ZNF100: variants seen among roughly 807,000 people sequenced by gnomAD.
ZNF100 encodes the protein zinc finger protein 100, also known as zinc finger protein 100 (Y1).
Under a neutral mutation model 15.8 loss-of-function variants are expected in ZNF100, and 12 were observed. The ratio of observed to expected loss-of-function variants is 0.76; its 90% CI spans 0.49 to 1.23. The LOEUF (loss-of-function observed/expected upper bound fraction) is 1.23. ZNF100 is among the 50% of genes most tolerant of loss of function. ZNF100 has a pLI of 0.00. For missense variants in ZNF100, 670 were observed against 635.6 expected, an observed-to-expected ratio of 1.05 and a Z score of -0.58; for synonymous variants, 226 against 214.8, an observed-to-expected ratio of 1.05 and a Z score of -0.45.
chr19:21,727,572 G>A lies in ZNF100; in HGVS notation c.740C>T (p.Thr247Ile), dbSNP rs778867351. ...DCGKAFNWFS[T>I]LTTHRRIHTG... is the part of the protein sequence containing the mutation. ...ATGAATTCTCCTGTGTGTAGTAAGG[G>A]TTGAGAACCAGTTGAAGGCTTTGCC... The change falls in exon 5 of 5, where the codon ACC becomes ATC. Residue 247 changes from threonine to isoleucine, a missense_variant. Coordinates refer to ENST00000358296, the MANE Select transcript of ZNF100 (RefSeq NM_173531.4). The A allele has an allele frequency of 8.7e-6, 14 of 1,613,598 alleles. No individual in the cohort carries two copies. The East Asian group carries it at 2.7e-4, about 31-fold the overall frequency.
intron 4 of ZNF100, among the ~76,000 whole-genome samples, chr19:21,740,630 G>A (rs1175857712): frequency 6.6e-6 from 1 of 152,102 alleles, no homozygotes; most frequent in Non-Finnish European, 1.5e-5. Flanking sequence ...TGAGGTGGGC[G>A]GATCACCTGA....
At chr19:21,755,337 A>G (rs545850783) in intron 2 of ZNF100, among the ~76,000 whole-genome samples, 1 of 144,736 alleles carries the variant, frequency 6.9e-6, no homozygotes, top group Non-Finnish European at 1.5e-5. Flanking sequence ...AAAAAAAAAA[A>G]GCTCAACATC....
intron 1 of ZNF100, among the ~76,000 whole-genome samples, chr19:21,766,228 A>G (rs922815266): frequency 6.6e-6 from 1 of 152,166 alleles, no homozygotes; most frequent in Admixed American, 6.5e-5. Context: ...CGCCAGAAGA[A>G]ATTGGAAATT....
chr19:21,746,392 T>C (rs1390314695), intron 2 of ZNF100, among the ~76,000 whole-genome samples: 1 of 152,220 alleles, frequency 6.6e-6, no homozygotes, highest in African/African-American at 2.4e-5. Flanking sequence ...GGGTAATAAA[T>C]GCCATCCTAT....
rs200730962 is a variant in ZNF100, at chr19:21,760,581, A to AT, written c.96+5112dup. 3.2e-4 allele frequency among the ~76,000 whole-genome samples: 47 copies of AT among 148,906 alleles called. 1 individual carries two copies. The Middle Eastern group carries it at 0.014, about 44-fold the overall frequency. On this transcript the variant is annotated intron_variant, in intron 2 of 4. Coordinates refer to ENST00000358296, the MANE Select transcript of ZNF100 (RefSeq NM_173531.4). ...CAGAGCTAACCAAATTTCCTTGTCA[A>AT]TTTTTTTTTTACTGTAACTGCCCTA...
intron 4 of ZNF100, among the ~76,000 whole-genome samples, chr19:21,734,600 G>C (rs900320721): frequency 6.6e-6 from 1 of 152,158 alleles, no homozygotes; most frequent in African/African-American, 2.4e-5. Flanking sequence ...ACACTAAAGA[G>C]AGGGAAAGAA....
rs912222597 is a variant in ZNF100, at chr19:21,731,282, GTTTCTTTCCTT to G, written c.323-3304_323-3294del. On this transcript the variant is annotated intron_variant, in intron 4 of 4. Transcript: ENST00000358296. Reference sequence around the variant, plus strand: ...GCATTTTTTACCAATAGCAATGCAAGTTTCTTTCCTTTTTCTTTCCTTTTTTTTTTATTTTT... The same window carrying G: ...GCATTTTTTACCAATAGCAATGCAAGTTTCTTTCCTTTTTTTTTTATTTTT... Among the ~76,000 whole-genome samples, 24 of 128,896 alleles carry G rather than the reference GTTTCTTTCCTT, an allele frequency of 1.9e-4. No individual in the cohort carries two copies. In the South Asian group the frequency reaches 1.9e-3, roughly 10 times the overall value. The allele number at this position is 128,896 out of a possible 152,430, so 84.6% of individuals were successfully genotyped here.
chr19:21,757,984 C>A (rs969582705), intron 2 of ZNF100, among the ~76,000 whole-genome samples: 1 of 151,808 alleles, frequency 6.6e-6, no homozygotes, highest in Non-Finnish European at 1.5e-5. Context: ...CTGAAGTGAG[C>A]CACAACTGTA....
rs1381320715 is a variant in ZNF100, at chr19:21,726,482, G to A, written c.*201C>T. ...AACACTATGATTTATGTTTTGAAAA[G>A]TTTGAGGTGTTTTCAAAGCACTGTC... is the stretch of plus-strand genomic sequence containing the variant. On this transcript the variant is annotated 3_prime_UTR_variant, in exon 5 of 5. Transcript: ENST00000358296. 3 of 540,272 alleles carry A rather than the reference G, an allele frequency of 5.6e-6. No individual in the cohort carries two copies. In the Admixed American group the frequency reaches 1.0e-4, roughly 19 times the overall value. The allele number at this position is 540,272 out of a possible 1,614,324, so 33.5% of individuals were successfully genotyped here.
rs1300024218 is a variant in ZNF100 at position 21,726,636 on chromosome 19, T to C, written c.*47A>G. Reference sequence around the variant, plus strand: ...GAGTTCCCTCCAGTATGAATTTTTTTATGTTTAGTAAGAGTTGAGGACTGG... The same window carrying C: ...GAGTTCCCTCCAGTATGAATTTTTTCATGTTTAGTAAGAGTTGAGGACTGG... On this transcript the variant is annotated 3_prime_UTR_variant, in exon 5 of 5. Coordinates refer to ENST00000358296, the MANE Select transcript of ZNF100 (RefSeq NM_173531.4). 2 of 1,283,262 alleles carry C rather than the reference T, an allele frequency of 1.6e-6. No individual in the cohort carries two copies. The highest frequency in any genetic ancestry group is 2.1e-6 in the Non-Finnish European group (2 of 941,054). 79.5% of individuals were successfully genotyped at this position (1,283,262 alleles called of 1,614,324 possible). A position where few individuals can be genotyped will look rare whatever the true frequency, so the allele number is the denominator to read the frequency against.
intron 4 of ZNF100, among the ~76,000 whole-genome samples, chr19:21,729,217 T>C (rs548197465): frequency 1.3e-5 from 2 of 152,224 alleles, no homozygotes; most frequent in South Asian, 4.1e-4. Flanking sequence ...GTCAAACTCC[T>C]GTAAAATACA....
rs2035762514 is a variant in ZNF100, at chr19:21,725,502, A to G, written c.*1181T>C. ...CACTTAGATTTTCATCATACATCTC[A>G]TATTTTAATGTCTTTTTCATAGCAA... On this transcript the variant is annotated 3_prime_UTR_variant, in exon 5 of 5. Coordinates refer to ENST00000358296, the MANE Select transcript of ZNF100 (RefSeq NM_173531.4). 3 of 152,138 alleles carry G rather than the reference A, an allele frequency of 2.0e-5. 1 individual carries two copies. Among genetic ancestry groups the G allele is most frequent in the South Asian group, 4.1e-4 (2 of 4,836 alleles). The allele number at this position is 152,138 out of a possible 1,614,324, so 9.4% of individuals were successfully genotyped here.
In ZNF100 at chr19:21,751,121, G is replaced by A. The variant is rs1272808853; in HGVS notation, c.97-6054C>T. 7.0e-6 allele frequency: 10 copies of A among 1,427,492 alleles called. No individual in the cohort carries two copies. In the South Asian group the frequency reaches 8.0e-5, roughly 11 times the overall value. 88.4% of individuals were successfully genotyped at this position (1,427,492 alleles called of 1,614,324 possible). A position where few individuals can be genotyped will look rare whatever the true frequency, so the allele number is the denominator to read the frequency against. On this transcript the variant is annotated intron_variant, in intron 2 of 4. Coordinates refer to ENST00000358296, the MANE Select transcript of ZNF100 (RefSeq NM_173531.4). ...CCAAGGGCAAGCACAAGTTTCCTGA[G>A]CAAATCTCAAACCGATGTGCGAGAC...
At chr19:21,741,884 C>T (rs2036116209) in intron 4 of ZNF100, among the ~76,000 whole-genome samples, 1 of 152,060 alleles carries the variant, frequency 6.6e-6, no homozygotes, top group African/African-American at 2.4e-5. Context: ...CCCTGTGTTG[C>T]CCTGGCTGGT....
At chr19:21,742,022 C>T (rs967955183) in intron 4 of ZNF100, among the ~76,000 whole-genome samples, 13 of 151,964 alleles carry the variant, frequency 8.6e-5, no homozygotes, top group East Asian at 3.9e-4. Flanking sequence ...GTAGGCTGGG[C>T]GCGGTGGCCC....
intron 2 of ZNF100, among the ~76,000 whole-genome samples, chr19:21,745,771 C>T (rs1289570320): frequency 6.6e-6 from 1 of 152,144 alleles, no homozygotes; most frequent in Non-Finnish European, 1.5e-5. Flanking sequence ...ATCCACCCGC[C>T]TCGGCCTCCC....
At position 21,727,453 on chromosome 19, in the gene ZNF100, T is replaced by C. The variant is rs1466804077; in HGVS notation, c.859A>G (p.Lys287Glu). 5.6e-6 allele frequency: 9 copies of C among 1,613,150 alleles called. No individual in the cohort carries two copies. Among genetic ancestry groups the C allele is most frequent in the African/African-American group, 2.7e-5 (2 of 74,908 alleles). The change falls in exon 5 of 5, where the codon AAA becomes GAA. Residue 287 changes from lysine (K) to glutamate (E), a missense_variant. Physicochemically the swap from Lys to Glu is moderately conservative, Grantham distance 56 (BLOSUM62 1). Transcript: ENST00000358296. ...CCACATTCTTCACATCTGTATGGTT[T>C]CTCTCCAGTATGAATTATCTTATGT... The part of the protein sequence containing the change: ...TTHKIIHTGE[K>E]PYRCEECGKA...
chr19:21,737,721 T>G (rs1453829886), intron 4 of ZNF100, among the ~76,000 whole-genome samples: 2 of 151,354 alleles, frequency 1.3e-5, no homozygotes, highest in African/African-American at 2.5e-5. Flanking sequence ...AGTTCTGAAA[T>G]TGAGACAGTA....
At chr19:21,767,119 T>C (rs942853517) in intron 1 of ZNF100, among the ~76,000 whole-genome samples, 2 of 152,120 alleles carry the variant, frequency 1.3e-5, no homozygotes, top group African/African-American at 4.8e-5. Flanking sequence ...CGAGTCAGGA[T>C]TTTCCCCTGA....
Sources: gnomAD v4.1 joint callset for allele counts (sites outside exome capture counted in the v4.1 genomes callset) on GRCh38, gnomAD v4.1.1 for gene constraint, MANE v1.5 for transcripts, NCBI Gene and HGNC (gene_info 2026-07-23, HGNC 2026-07-21) for gene names.